The following CNTLN variants were observed in gnomAD, a reference collection of about 807,000 sequenced individuals.
The protein encoded by CNTLN is centlein.
Under a neutral mutation model 180.0 loss-of-function variants are expected in CNTLN, and 212 were observed. The ratio of observed to expected loss-of-function variants is 1.18; its 90% CI spans 1.05 to 1.32. The LOEUF (loss-of-function observed/expected upper bound fraction) is 1.32, where lower values mean the gene tolerates loss of function less well. CNTLN is among the 40% of genes most tolerant of loss of function. The pLI is 0.00. For missense variants in CNTLN, 2,095 were observed against 1,610.9 expected (o/e 1.30, Z -5.14); for synonymous variants, 722 against 563.1 (o/e 1.28, Z -3.99).
At chr9:17,274,173 C>T (rs1362662513) in intron 6 of CNTLN, among the ~76,000 whole-genome samples, 3 of 152,040 alleles carry the variant, frequency 2.0e-5, no homozygotes, top group South Asian at 2.1e-4. Flanking sequence ...ACATGATGCT[C>T]ATATTGTTAC....
At chr9:17,293,690 C>G (rs923780756) in intron 6 of CNTLN, among the ~76,000 whole-genome samples, 1 of 152,180 alleles carries the variant, frequency 6.6e-6, no homozygotes, top group Admixed American at 6.5e-5. Context: ...TGCCCCTACT[C>G]CCCGGGAACT....
the CNTLN span, among the ~76,000 whole-genome samples, chr9:17,526,089 C>G: frequency 6.6e-6 from 1 of 152,132 alleles, no homozygotes; most frequent in Non-Finnish European, 1.5e-5. Flanking sequence ...GTGCCCACCA[C>G]CACACCCAGC....
chr9:17,261,703 A>G lies in CNTLN; in HGVS notation c.850-12030A>G, dbSNP rs1826991976. 1.3e-5 allele frequency among the ~76,000 whole-genome samples: 2 copies of G among 151,018 alleles called. 1 individual carries two copies. Among genetic ancestry groups the G allele is most frequent in the African/African-American group, 4.9e-5 (2 of 40,682 alleles). ...TGCTCTGGCTAGGACTTCTAGTACTATGTTGAATAGGAGTGGTAAGAGTGG... is the reference window on the plus strand; with the variant it reads ...TGCTCTGGCTAGGACTTCTAGTACTGTGTTGAATAGGAGTGGTAAGAGTGG... On this transcript the variant is annotated intron_variant, in intron 5 of 25. Transcript: ENST00000380647.
At chr9:17,254,190 T>C (rs1826329288) in intron 5 of CNTLN, among the ~76,000 whole-genome samples, 1 of 151,726 alleles carries the variant, frequency 6.6e-6, no homozygotes, top group African/African-American at 2.4e-5. Context: ...CACTTGTATA[T>C]CATCTTTGGA....
intron 10 of CNTLN, among the ~76,000 whole-genome samples, chr9:17,338,142 TTCCTTC>T (rs1453767178): frequency 6.7e-6 from 1 of 150,258 alleles, no homozygotes; most frequent in African/African-American, 2.4e-5. Context: ...CCTTCCTTCC[TTCCTTC>T]TTCTTTCTTT....
chr9:17,382,272 G>A (rs1164758582), intron 13 of CNTLN, among the ~76,000 whole-genome samples: 1 of 152,166 alleles, frequency 6.6e-6, no homozygotes, highest in African/African-American at 2.4e-5. Flanking sequence ...TAGCTGGGCA[G>A]CATACAATTT....
intron 20 of CNTLN, among the ~76,000 whole-genome samples, chr9:17,463,694 A>G (rs996050065): frequency 6.6e-6 from 1 of 151,614 alleles, no homozygotes; most frequent in Non-Finnish European, 1.5e-5. Context: ...TTTTTAACTG[A>G]TAATATTTTG....
intron 23 of CNTLN, among the ~76,000 whole-genome samples, chr9:17,469,295 A>G (rs1262090320): frequency 6.6e-6 from 1 of 151,774 alleles, no homozygotes; most frequent in Non-Finnish European, 1.5e-5. Context: ...ATGACTTCCA[A>G]TGGCAATTTG....
chr9:17,225,384 GT>G (rs1824401790), intron 2 of CNTLN, among the ~76,000 whole-genome samples: 1 of 151,928 alleles, frequency 6.6e-6, no homozygotes, highest in Non-Finnish European at 1.5e-5. Flanking sequence ...CCCATTTATA[GT>G]TTTCTATTTT....
chr9:17,295,875 T>TGCCCAGAGCTCATTGAG (rs1404566003), intron 6 of CNTLN, among the ~76,000 whole-genome samples: 2 of 151,930 alleles, frequency 1.3e-5, no homozygotes, highest in Non-Finnish European at 2.9e-5. Context: ...GCCCAGAAAA[T>TGCCCAGAGCTCATTGAG]ACCATGAGGT....
chr9:17,330,638 C>T lies in CNTLN; in HGVS notation c.1348C>T (p.His450Tyr). ...SDPDYSAQVPHRPSLSSLETL... is the reference protein window; with the variant it reads ...SDPDYSAQVPYRPSLSSLETL... ...ATTATACTTTTTAAAATAGGTACCT[C>T]ATCGCCCATCCTTATCAAGCTTAGA... Residue 450 changes from histidine to tyrosine, a missense_variant, in exon 9 of 26, where the codon CAT becomes TAT. Physicochemically the swap from His to Tyr is moderately conservative, Grantham distance 83. Transcript: ENST00000380647. 2.5e-6 allele frequency: 4 copies of T among 1,575,664 alleles called. No homozygotes were observed. Among genetic ancestry groups the T allele is most frequent in the Non-Finnish European group, 3.4e-6 (4 of 1,160,528 alleles).
intron 25 of CNTLN, among the ~76,000 whole-genome samples, chr9:17,498,575 T>G (rs772236377): frequency 6.6e-6 from 1 of 152,268 alleles, no homozygotes; most frequent in Non-Finnish European, 1.5e-5. Context: ...TTGTCAGATA[T>G]CCCCGTTAAA....
chr9:17,333,228 C>T (rs752541001), intron 10 of CNTLN, among the ~76,000 whole-genome samples: 6 of 152,064 alleles, frequency 3.9e-5, no homozygotes, highest in African/African-American at 1.2e-4. Flanking sequence ...TTTGAATGAG[C>T]ACTCTACCAT....
intron 5 of CNTLN, among the ~76,000 whole-genome samples, chr9:17,238,482 T>C (rs1332639055): frequency 6.6e-6 from 1 of 152,184 alleles, no homozygotes; most frequent in African/African-American, 2.4e-5. Context: ...GTAGATCTTA[T>C]GACCCTCATT....
At chr9:17,345,927 C>G (rs1336371293) in intron 12 of CNTLN, among the ~76,000 whole-genome samples, 2 of 152,098 alleles carry the variant, frequency 1.3e-5, no homozygotes, top group African/African-American at 4.8e-5. Flanking sequence ...GAAGAACTTC[C>G]TTTAGAATTA....
At chr9:17,234,996 A>G (rs186620470) in intron 3 of CNTLN, among the ~76,000 whole-genome samples, 3 of 152,304 alleles carry the variant, frequency 2.0e-5, no homozygotes, top group Admixed American at 6.5e-5. Context: ...ATAGTCTTTC[A>G]GACAGAGGAA....
chr9:17,488,318 A>G (rs577389014), intron 25 of CNTLN, among the ~76,000 whole-genome samples: 45 of 152,200 alleles, frequency 3.0e-4, no homozygotes, highest in Admixed American at 7.2e-4. Context: ...TACACTGACT[A>G]CTTGCTTTTG....
the CNTLN span, among the ~76,000 whole-genome samples, chr9:17,522,245 C>T: frequency 6.6e-6 from 1 of 152,168 alleles, no homozygotes; most frequent in East Asian, 1.9e-4. Flanking sequence ...GTTGCCTTCC[C>T]TCCATCCATA....
At chr9:17,495,529 G>C (rs1833406931) in intron 25 of CNTLN, among the ~76,000 whole-genome samples, 2 of 152,062 alleles carry the variant, frequency 1.3e-5, no homozygotes, top group African/African-American at 4.8e-5. Context: ...TTATACAGCT[G>C]TACAGTATGT....
Sources: gnomAD v4.1 joint callset for allele counts (sites outside exome capture counted in the v4.1 genomes callset) on GRCh38, gnomAD v4.1.1 for gene constraint, MANE v1.5 for transcripts, NCBI Gene and HGNC (gene_info 2026-07-23, HGNC 2026-07-21) for gene names.